Variants in E2F3 observed in about 807,000 individuals in gnomAD.
E2F3 encodes transcription factor E2F3.
Under a neutral mutation model 44.4 loss-of-function variants are expected in E2F3, and 11 were observed. That is an observed-to-expected ratio of 0.25 (90% CI 0.16 to 0.41). The LOEUF is 0.41. E2F3 is among the 10% of genes least tolerant of loss of function. E2F3 has a pLI of 1.00. For synonymous variants in E2F3, 249 were observed against 253.0 expected, an observed-to-expected ratio of 0.98 and a Z score of 0.15; for missense variants, 487 against 583.6, an observed-to-expected ratio of 0.83 and a Z score of 1.70.
At chr6:20,478,745 G>C (rs572054470) in intron 1 of E2F3, among the ~76,000 whole-genome samples, 2 of 152,264 alleles carry the variant, frequency 1.3e-5, no homozygotes, top group Non-Finnish European at 2.9e-5. Context: ...CAGAGGCAGA[G>C]GTTGCAGTGA....
At chr6:20,466,557 G>T (rs1168730689) in intron 1 of E2F3, among the ~76,000 whole-genome samples, 4 of 152,026 alleles carry the variant, frequency 2.6e-5, no homozygotes, top group South Asian at 2.1e-4. Context: ...GATTTTTTGG[G>T]TTTTTTCTTG....
At chr6:20,441,996 CCT>C (rs1491362676) in intron 1 of E2F3, among the ~76,000 whole-genome samples, 2 of 147,088 alleles carry the variant, frequency 1.4e-5, no homozygotes, top group African/African-American at 5.4e-5. Context: ...TGTCACCCAA[CCT>C]TTTTTTTTTT....
chr6:20,405,488 G>A (rs1759464732), intron 1 of E2F3, among the ~76,000 whole-genome samples: 1 of 150,976 alleles, frequency 6.6e-6, no homozygotes, highest in African/African-American at 2.4e-5. Context: ...TGAGATTACA[G>A]GCGTGAGCCA....
chr6:20,481,646 T>C (rs540226950), intron 3 of E2F3, among the ~76,000 whole-genome samples: 1 of 152,294 alleles, frequency 6.6e-6, no homozygotes, highest in South Asian at 2.1e-4. Context: ...GATAAAAGGA[T>C]TTATATTTGA....
At chr6:20,408,001 A>G (rs1384067384) in intron 1 of E2F3, among the ~76,000 whole-genome samples, 3 of 152,066 alleles carry the variant, frequency 2.0e-5, no homozygotes, top group African/African-American at 7.2e-5. Context: ...AAAAAGGGGA[A>G]TCTTCCCTGA....
intron 1 of E2F3, among the ~76,000 whole-genome samples, chr6:20,450,434 T>C (rs1277737171): frequency 6.6e-6 from 1 of 152,212 alleles, no homozygotes; most frequent in African/African-American, 2.4e-5. Context: ...TTTTGAAAAG[T>C]GTCTGCTCAT....
chr6:20,417,116 A>G (rs533725344), intron 1 of E2F3, among the ~76,000 whole-genome samples: 5 of 152,328 alleles, frequency 3.3e-5, no homozygotes, highest in South Asian at 4.1e-4. Flanking sequence ...ATCATTAAAA[A>G]ATTTTTATAG....
In E2F3 at chr6:20,461,215, C is replaced by T. The variant is rs540128530; in HGVS notation, c.394-18631C>T. Among the ~76,000 whole-genome samples the T allele has an allele frequency of 3.7e-4, 56 of 151,952 alleles. 1 individual carries two copies. Among genetic ancestry groups the T allele is most frequent in the Middle Eastern group, 3.4e-3 (1 of 292 alleles). ...TGACATTAACAATACATTTGAAGGT[C>T]GGGCACGGTGGCTCACTCCTGTAAT... On this transcript the variant is annotated intron_variant, in intron 1 of 6. Transcript: ENST00000346618.
Position 20,490,131 on chromosome 6 carries a change from A to G in E2F3, c.1136-37A>G, listed in dbSNP as rs1317988538. 1 of 1,534,508 alleles carries G rather than the reference A, an allele frequency of 6.5e-7. No homozygotes were observed. Among genetic ancestry groups the G allele is most frequent in the East Asian group, 2.3e-5 (1 of 43,178 alleles). ...CCAGAAAAATTCATTTGATTTTTCT[A>G]ACTTATTTTTTGTTTCCATCAATGT... On this transcript the variant is annotated intron_variant, in intron 6 of 6. Transcript: ENST00000346618. This position sits in a 1 kb window ranked among gnomAD's most constrained non-coding sequence, Gnocchi z 4.3.
At chr6:20,446,342 G>C (rs1194444821) in intron 1 of E2F3, among the ~76,000 whole-genome samples, 4 of 152,126 alleles carry the variant, frequency 2.6e-5, no homozygotes, top group African/African-American at 9.7e-5. Flanking sequence ...TTATAGTAGA[G>C]CATCAGTACA....
chr6:20,444,572 T>C (rs1291886527), intron 1 of E2F3, among the ~76,000 whole-genome samples: 1 of 152,200 alleles, frequency 6.6e-6, no homozygotes, highest in African/African-American at 2.4e-5. Context: ...TCTGTTTCTC[T>C]TTATTCCATT....
intron 1 of E2F3, among the ~76,000 whole-genome samples, chr6:20,405,606 C>T (rs140591466): frequency 0.011 from 1,639 of 152,272 alleles, 33 homozygotes; most frequent in African/African-American, 0.036. Context: ...GGGCGGATCA[C>T]GCGGTCAAGA....
intron 2 of E2F3, 98 bp downstream of exon 2, chr6:20,480,055 G>A (rs1365162027): frequency 2.7e-6 from 4 of 1,465,658 alleles, no homozygotes; most frequent in African/African-American, 1.4e-5. Context: ...GAATAATTCT[G>A]GCATGTTTTG....
intron 1 of E2F3, among the ~76,000 whole-genome samples, chr6:20,467,771 C>A (rs1048674853): frequency 2.0e-5 from 3 of 151,986 alleles, no homozygotes; most frequent in African/African-American, 7.3e-5. Context: ...CTTATTAGTT[C>A]GCATTTCTTC....
intron 1 of E2F3, among the ~76,000 whole-genome samples, chr6:20,434,290 A>T (rs1760503368): frequency 6.6e-6 from 1 of 152,260 alleles, no homozygotes; most frequent in African/African-American, 2.4e-5. Flanking sequence ...TAAAAAAGTC[A>T]GAGGCTTGAA....
intron 1 of E2F3, among the ~76,000 whole-genome samples, chr6:20,417,817 G>A (rs555469712): frequency 6.6e-6 from 1 of 152,112 alleles, no homozygotes; most frequent in African/African-American, 2.4e-5. Context: ...AGATTACCAG[G>A]TTCTGTTATA....
chr6:20,439,503 T>C (rs1291905101), intron 1 of E2F3, among the ~76,000 whole-genome samples: 1 of 152,196 alleles, frequency 6.6e-6, no homozygotes, highest in East Asian at 1.9e-4. Context: ...CAGTGACATG[T>C]CCCTCTGCAA....
intron 1 of E2F3, among the ~76,000 whole-genome samples, chr6:20,418,836 T>A (rs957939049): frequency 6.8e-6 from 1 of 147,586 alleles, no homozygotes; most frequent in East Asian, 2.5e-4. Context: ...AATTTGTTTG[T>A]TACCTTTTTT....
At chr6:20,426,988 C>T (rs1340890657) in intron 1 of E2F3, among the ~76,000 whole-genome samples, 1 of 152,124 alleles carries the variant, frequency 6.6e-6, no homozygotes, top group Non-Finnish European at 1.5e-5. Context: ...TTTATTGGCA[C>T]CCCAAACCAC....
Sources: gnomAD v4.1 joint callset for allele counts (sites outside exome capture counted in the v4.1 genomes callset) on GRCh38, gnomAD v4.1.1 for gene constraint, Gnocchi (gnomAD v3.1) non-coding constraint, MANE v1.5 for transcripts, NCBI Gene and HGNC (gene_info 2026-07-23, HGNC 2026-07-21) for gene names.